Variants in CAPS2 observed in about 807,000 individuals in gnomAD.
CAPS2 encodes calcyphosin-2.
CAPS2 carries 98 observed loss-of-function variants against 86.5 expected under a neutral mutation model. That is an observed-to-expected ratio of 1.13 (90% CI 0.96 to 1.34). The LOEUF (loss-of-function observed/expected upper bound fraction) is 1.34. Ranked by LOEUF, CAPS2 falls within the 40% of genes most tolerant of loss-of-function variation. The pLI is 0.00. For synonymous variants in CAPS2, 210 were observed against 225.1 expected (o/e 0.93, Z 0.60); for missense variants, 729 against 686.8 (o/e 1.06, Z -0.69).
chr12:75,299,935 G>A lies in CAPS2; in HGVS notation c.780-24C>T, dbSNP rs751238454. On this transcript the variant is annotated intron_variant, in intron 8 of 16. Transcript: ENST00000393284. The stretch of plus-strand genomic sequence containing the variant: ...TCCTGTTAAGAAATACATTTTGTCA[G>A]TAATTTTTCAAGATACCTATAACTT... The A allele has an allele frequency of 3.7e-6, 4 of 1,087,724 alleles. No individual in the cohort carries two copies. The Admixed American group carries it at 8.1e-5, about 22-fold the overall frequency. 67.4% of individuals were successfully genotyped at this position (1,087,724 alleles called of 1,614,324 possible). A position where few individuals can be genotyped will look rare whatever the true frequency, so the allele number is the denominator to read the frequency against.
intron 1 of CAPS2, among the ~76,000 whole-genome samples, chr12:75,338,685 A>T (rs1278550474): frequency 6.6e-6 from 1 of 152,048 alleles, no homozygotes; most frequent in Non-Finnish European, 1.5e-5. Context: ...TGCTGCACAG[A>T]TCAACCAATC....
At chr12:75,339,144 T>C (rs2041933438) in intron 1 of CAPS2, among the ~76,000 whole-genome samples, 2 of 152,300 alleles carry the variant, frequency 1.3e-5, no homozygotes, top group South Asian at 4.1e-4. Context: ...GGTCAAATGG[T>C]ATTTCTGACT....
At chr12:75,353,581 T>C (rs545973069) in intron 1 of CAPS2, among the ~76,000 whole-genome samples, 22 of 152,306 alleles carry the variant, frequency 1.4e-4, no homozygotes, top group Admixed American at 9.1e-4. Flanking sequence ...GAGGAGCTGA[T>C]ACCCTTTCTT....
intron 5 of CAPS2, among the ~76,000 whole-genome samples, chr12:75,319,165 T>C (rs1358743071): frequency 1.3e-5 from 2 of 152,162 alleles, no homozygotes; most frequent in Non-Finnish European, 2.9e-5. Context: ...TTATCACCTT[T>C]TATAGTAAGT....
chr12:75,287,062 A>T (rs961513504), intron 14 of CAPS2, among the ~76,000 whole-genome samples: 2 of 151,168 alleles, frequency 1.3e-5, no homozygotes, highest in South Asian at 4.2e-4. Flanking sequence ...ACACATACAC[A>T]CGCAAGCACA....
intron 8 of CAPS2, among the ~76,000 whole-genome samples, chr12:75,301,589 T>C (rs1253439066): frequency 6.6e-6 from 1 of 152,254 alleles, no homozygotes; most frequent in Non-Finnish European, 1.5e-5. Context: ...CTCTGAGGTG[T>C]TATTATTCCC....
rs200022333 is a variant in CAPS2, at chr12:75,298,958, C to T, written c.863G>A (p.Arg288His). The change falls in exon 10 of 17, where the codon CGT becomes CAT. Residue 288 changes from arginine to histidine, a missense_variant. Transcript: ENST00000393284. ...CCCAATGAGCTCTCTGCAAGCATCA[C>T]GTCCATTACTGGAAAAATAGAATGA... is the stretch of plus-strand genomic sequence containing the variant. 18 of 1,580,618 alleles carry T rather than the reference C, an allele frequency of 1.1e-5. No individual in the cohort carries two copies. The East Asian group carries it at 1.6e-4, about 14-fold the overall frequency.
At position 75,292,588 on chromosome 12, in the gene CAPS2, TATATTATATATAC is replaced by T. The variant is rs895869093; in HGVS notation, c.1163+648_1163+660del. Among the ~76,000 whole-genome samples the T allele has an allele frequency of 4.9e-3, 728 of 147,134 alleles. 6 individuals carry two copies. Among genetic ancestry groups the T allele is most frequent in the African/African-American group, 0.017 (692 of 40,530 alleles). ...CTAATGTGTATATATATATAAAATA[TATATTATATATAC>T]ATATTATATATGTATCTATACATAT... On this transcript the variant is annotated intron_variant, in intron 12 of 16. Coordinates refer to ENST00000393284, the Ensembl canonical transcript of CAPS2.
At chr12:75,326,205 C>A (rs952779137) in intron 1 of CAPS2, among the ~76,000 whole-genome samples, 2 of 151,862 alleles carry the variant, frequency 1.3e-5, no homozygotes, top group African/African-American at 4.8e-5. Flanking sequence ...AATAATAATA[C>A]AATAAGTTTA....
At chr12:75,352,356 G>C (rs1378002681) in intron 1 of CAPS2, among the ~76,000 whole-genome samples, 1 of 152,184 alleles carries the variant, frequency 6.6e-6, no homozygotes, top group East Asian at 1.9e-4. Context: ...TGAAATCCTA[G>C]TTTCTGATAA....
At chr12:75,354,385 G>T (rs1457395024) in intron 1 of CAPS2, among the ~76,000 whole-genome samples, 3 of 151,926 alleles carry the variant, frequency 2.0e-5, no homozygotes, top group African/African-American at 7.3e-5. Context: ...ATTCACAATT[G>T]CTAGAAAGAG....
At chr12:75,322,920 TAATA>T (rs2040433346) in intron 4 of CAPS2, 4 of 999,260 alleles carry the variant, frequency 4.0e-6, no homozygotes, top group East Asian at 2.6e-5. Context: ...AGACTGAACA[TAATA>T]AATATTTTAG....
intron 7 of CAPS2, chr12:75,306,232 G>A: frequency 4.5e-6 from 3 of 660,330 alleles, no homozygotes; most frequent in East Asian, 2.7e-5. Flanking sequence ...GCGAAATTAC[G>A]AACATGCAAA....
intron 1 of CAPS2, among the ~76,000 whole-genome samples, chr12:75,341,693 G>A: frequency 6.6e-6 from 1 of 150,506 alleles, no homozygotes; most frequent in South Asian, 2.1e-4. Flanking sequence ...TGATCCGCCC[G>A]CATCGGCCGC....
At chr12:75,291,108 A>G (rs895551809) in intron 13 of CAPS2, among the ~76,000 whole-genome samples, 2 of 152,048 alleles carry the variant, frequency 1.3e-5, no homozygotes, top group Non-Finnish European at 2.9e-5. Context: ...CTAATTTATT[A>G]CCTACAACAA....
chr12:75,298,481 A>C (rs12229945), intron 11 of CAPS2: 98,281 of 510,944 alleles, frequency 0.19, 11,103 homozygotes, highest in South Asian at 0.35. Flanking sequence ...AAAATAAATG[A>C]TATGCTTGGA....
chr12:75,351,793 C>CTGAG (rs1186338205), intron 1 of CAPS2, among the ~76,000 whole-genome samples: 1 of 152,144 alleles, frequency 6.6e-6, no homozygotes, highest in Non-Finnish European at 1.5e-5. Context: ...GTGATCCACC[C>CTGAG]TCCTTGGCCT....
intron 7 of CAPS2, chr12:75,306,126 C>G: frequency 8.4e-7 from 1 of 1,191,482 alleles, no homozygotes; most frequent in South Asian, 1.2e-5. Context: ...CATTCGGGAA[C>G]GTGCGGAAGC....
intron 16 of CAPS2, among the ~76,000 whole-genome samples, chr12:75,280,505 A>G (rs1354588628): frequency 6.6e-6 from 1 of 151,890 alleles, no homozygotes; most frequent in Non-Finnish European, 1.5e-5. Flanking sequence ...TCCATGACAC[A>G]TAATAAAACT....
Sources: allele counts gnomAD v4.1 joint callset (sites outside exome capture counted in the v4.1 genomes callset), GRCh38; gene constraint gnomAD v4.1.1; transcripts MANE v1.5; gene names NCBI Gene and HGNC (gene_info 2026-07-23, HGNC 2026-07-21).